The following FBN1 variants were observed in gnomAD, a reference collection of about 807,000 sequenced individuals.
The protein encoded by FBN1 is fibrillin 1.
In FBN1, 29 loss-of-function variants were observed where a neutral mutation model predicts 365.1. The ratio of observed to expected loss-of-function variants is 0.08; its 90% CI spans 0.06 to 0.11. FBN1 has a LOEUF of 0.11. Among genes scored for constraint, FBN1 ranks in the 10% least tolerant of loss-of-function variants. The probability of loss-of-function intolerance (pLI) is 1.00; values close to 1 mark genes in which losing one functional copy is unlikely to be tolerated. For missense variants in FBN1, 2,476 were observed against 3,703.2 expected (o/e 0.67, Z 8.60); for synonymous variants, 1,210 against 1,270.5 (o/e 0.95, Z 1.01).
At chr15:48,645,214 C>T (rs1890279814) in intron 1 of FBN1, among the ~76,000 whole-genome samples, 1 of 152,202 alleles carries the variant, frequency 6.6e-6, no homozygotes, top group Non-Finnish European at 1.5e-5. Context: ...GTCCTAAGCC[C>T]CGGGCGAGCT....
Position 48,427,581 on chromosome 15 carries a change from A to T in FBN1, c.7190T>A (p.Met2397Lys). 2 of 1,614,168 alleles carry T rather than the reference A, an allele frequency of 1.2e-6. No homozygotes were observed. The highest frequency in any genetic ancestry group is 1.1e-5 in the South Asian group (1 of 91,086). Residue 2397 changes from methionine (M) to lysine (K), a missense_variant, in exon 58 of 66, where the codon ATG becomes AAG. Physicochemically the swap from Met to Lys is moderately conservative, Grantham distance 95. Around this residue, in one of 5 missense-constraint regions of FBN1, gnomAD observed 1,780 missense variants for 2,840.8 expected, o/e 0.63. Coordinates refer to ENST00000316623, the MANE Select transcript of FBN1 (RefSeq NM_000138.5). ...AAATGAAGTACCTGCTCCATTGGTC[A>T]TGAATCCTCGGCCATGGGGACAGAG... ...KKLCPHGRGF[M>K]TNGADIDECK...
intron 2 of FBN1, among the ~76,000 whole-genome samples, chr15:48,640,156 T>C (rs1188999461): frequency 6.6e-6 from 1 of 152,230 alleles, no homozygotes; most frequent in Non-Finnish European, 1.5e-5. Context: ...CATAGGCTGA[T>C]GTATGTTTTA....
intron 4 of FBN1, among the ~76,000 whole-genome samples, chr15:48,610,309 A>AG (rs2044646768): frequency 6.6e-6 from 1 of 152,202 alleles, no homozygotes; most frequent in Non-Finnish European, 1.5e-5. Context: ...CTTGTAAAGC[A>AG]GGGGTCTTGA....
At chr15:48,467,508 AC>A (rs1292221789) in intron 38 of FBN1, among the ~76,000 whole-genome samples, 2 of 152,166 alleles carry the variant, frequency 1.3e-5, no homozygotes, top group Non-Finnish European at 2.9e-5. Context: ...CTTTCAAGCC[AC>A]CCCATAACAA....
intron 6 of FBN1, among the ~76,000 whole-genome samples, chr15:48,570,017 T>C (rs764863802): frequency 2.6e-5 from 4 of 152,184 alleles, no homozygotes; most frequent in African/African-American, 4.8e-5. Flanking sequence ...CCAATTCTTA[T>C]ATTTACCTAA....
At chr15:48,432,787 A>G (rs2043033717) in intron 55 of FBN1, 79 bp downstream of exon 55, 2 of 1,561,728 alleles carry the variant, frequency 1.3e-6, no homozygotes, top group African/African-American at 1.4e-5. Flanking sequence ...GCCTTCTCCT[A>G]CTAAGGGAAG....
chr15:48,451,044 T>C (rs1209364259), intron 45 of FBN1, among the ~76,000 whole-genome samples: 1 of 152,220 alleles, frequency 6.6e-6, no homozygotes, highest in Non-Finnish European at 1.5e-5. Context: ...TGGCTGCAAA[T>C]GATGCTCACT....
chr15:48,499,316 T>G (rs2141309309), intron 17 of FBN1, among the ~76,000 whole-genome samples: 1 of 152,358 alleles, frequency 6.6e-6, no homozygotes, highest in South Asian at 2.1e-4. Context: ...TAACTTGATT[T>G]TGTTCACCAG....
chr15:48,500,962 AC>A (rs1328812654), intron 17 of FBN1, among the ~76,000 whole-genome samples: 3 of 152,054 alleles, frequency 2.0e-5, no homozygotes, highest in East Asian at 3.8e-4. Context: ...TAAACAGCCT[AC>A]CCCCCATTCT....
intron 6 of FBN1, among the ~76,000 whole-genome samples, chr15:48,571,091 G>A (rs1207164460): frequency 6.6e-6 from 1 of 152,234 alleles, no homozygotes; most frequent in Non-Finnish European, 1.5e-5. Context: ...AGGGACAAAT[G>A]CTAGATTCCC....
At chr15:48,629,205 T>C (rs1889939835) in intron 2 of FBN1, among the ~76,000 whole-genome samples, 1 of 152,154 alleles carries the variant, frequency 6.6e-6, no homozygotes, top group Non-Finnish European at 1.5e-5. Context: ...CTGAACTAAA[T>C]AGTGTGCTTA....
chr15:48,487,984 T>C, intron 27 of FBN1, 129 bp downstream of exon 27: 1 of 1,218,328 alleles, frequency 8.2e-7, no homozygotes, highest in East Asian at 2.3e-5. Flanking sequence ...TCTCCCTCTG[T>C]TGCAGACTGA....
chr15:48,432,521 T>C (rs78129988), intron 55 of FBN1, among the ~76,000 whole-genome samples: 1 of 152,222 alleles, frequency 6.6e-6, no homozygotes, highest in Non-Finnish European at 1.5e-5. Context: ...CACTGTATTA[T>C]GAGAACGTAT....
intron 6 of FBN1, among the ~76,000 whole-genome samples, chr15:48,553,441 C>T (rs573389885): frequency 1.3e-5 from 2 of 152,162 alleles, no homozygotes; most frequent in African/African-American, 4.8e-5. Context: ...GGTAGGTTCC[C>T]GGGAGACAGT....
At chr15:48,494,980 C>T in intron 22 of FBN1, 143 bp downstream of exon 22, 7 of 895,972 alleles carry the variant, frequency 7.8e-6, no homozygotes, top group African/African-American at 1.7e-5. Flanking sequence ...TTCTTATTTC[C>T]CATTCAGCAA....
intron 2 of FBN1, among the ~76,000 whole-genome samples, chr15:48,628,520 T>C (rs1232851986): frequency 2.6e-5 from 4 of 152,198 alleles, no homozygotes; most frequent in African/African-American, 9.6e-5. Context: ...ATGGGATAAA[T>C]GGACCTTTGC....
In FBN1 at chr15:48,611,550, G is replaced by A. The variant is rs201844747; in HGVS notation, c.248-724C>T. Among the ~76,000 whole-genome samples, 21 of 152,280 alleles carry A rather than the reference G, an allele frequency of 1.4e-4. No individual in the cohort carries two copies. The East Asian group carries it at 2.5e-3, about 18-fold the overall frequency. ...GCTGGGATTACAGGCGTAAACCACC[G>A]CGTCCAGCCTATTGTAAATGTTTAA... is the stretch of plus-strand genomic sequence containing the variant. On this transcript the variant is annotated intron_variant, in intron 3 of 65. Coordinates refer to ENST00000316623, the MANE Select transcript of FBN1 (RefSeq NM_000138.5).
intron 36 of FBN1, among the ~76,000 whole-genome samples, chr15:48,469,628 C>A (rs923544105): frequency 6.6e-6 from 1 of 152,072 alleles, no homozygotes. Flanking sequence ...GATCTGGCAA[C>A]CCTCCTGCGG....
At chr15:48,600,291 G>T in intron 4 of FBN1, 57 bp from the exon 5 acceptor site, 1 of 1,214,140 alleles carries the variant, frequency 8.2e-7, no homozygotes, top group Non-Finnish European at 1.2e-6. Flanking sequence ...GATTGCAACA[G>T]CTCACAGGAG....
Sources: gnomAD v4.1 joint callset for allele counts (sites outside exome capture counted in the v4.1 genomes callset) on GRCh38, gnomAD v4.1.1 for gene constraint, gnomAD v4.1.1 regional missense constraint, MANE v1.5 for transcripts, NCBI Gene and HGNC (gene_info 2026-07-23, HGNC 2026-07-21) for gene names.